HDAC9: variants seen among roughly 807,000 people sequenced by gnomAD.
HDAC9 encodes histone deacetylase 9.
HDAC9 carries 41 observed loss-of-function variants against 139.4 expected under a neutral mutation model. The observed-to-expected ratio is 0.29, with a 90% confidence interval of 0.23 to 0.38. The LOEUF is 0.38. HDAC9 is among the 10% of genes least tolerant of loss of function. HDAC9 has a pLI of 1.00. For synonymous variants in HDAC9, 517 were observed against 476.2 expected, an observed-to-expected ratio of 1.09 and a Z score of -1.12; for missense variants, 1,147 against 1,297.0, an observed-to-expected ratio of 0.88 and a Z score of 1.78.
chr7:18,498,772 C>T (rs1367396425), intron 2 of HDAC9, among the ~76,000 whole-genome samples: 2 of 151,996 alleles, frequency 1.3e-5, no homozygotes, highest in Non-Finnish European at 2.9e-5. Flanking sequence ...ATGATGTCCT[C>T]CTGCTTGCCT....
At chr7:18,811,454 T>C (rs1357696701) in intron 17 of HDAC9, among the ~76,000 whole-genome samples, 1 of 151,800 alleles carries the variant, frequency 6.6e-6, no homozygotes, top group East Asian at 1.9e-4. Context: ...TTTTCACTTG[T>C]CTGATTTTCT....
At chr7:18,590,618 C>T (rs1164009961) in intron 4 of HDAC9, 132 bp downstream of exon 4, 21 of 913,314 alleles carry the variant, frequency 2.3e-5, no homozygotes, top group Non-Finnish European at 3.1e-5. Context: ...GCATAGATTA[C>T]AGACCCAACT....
chr7:18,988,585 G>A (rs1382317954), intron 25 of HDAC9, among the ~76,000 whole-genome samples: 1 of 152,100 alleles, frequency 6.6e-6, no homozygotes, highest in Non-Finnish European at 1.5e-5. Flanking sequence ...AGGTCCGCTT[G>A]GTGCAGAGCT....
At chr7:18,093,369 G>A (rs1782292096) in intron 1 of HDAC9, among the ~76,000 whole-genome samples, 1 of 152,178 alleles carries the variant, frequency 6.6e-6, no homozygotes, top group Non-Finnish European at 1.5e-5. Context: ...CAGGGGGAAA[G>A]CCTGTTACTC....
At position 18,922,551 on chromosome 7, in the gene HDAC9, G is replaced by T. The variant is rs187488711; in HGVS notation, c.2804-13258G>T. Among the ~76,000 whole-genome samples the T allele has an allele frequency of 2.7e-3, 416 of 152,106 alleles. 4 individuals are homozygous for T. Among genetic ancestry groups the T allele is most frequent in the African/African-American group, 9.1e-3 (378 of 41,522 alleles). On this transcript the variant is annotated intron_variant, in intron 22 of 25. Coordinates refer to ENST00000686413, the MANE Select transcript of HDAC9 (RefSeq NM_178425.4). The stretch of plus-strand genomic sequence containing the variant: ...AATGCAGAGATTTGGATTCAAACTT[G>T]GTCTGGGATGAGGCTCACAAATCTG...
At chr7:18,167,418 A>T (rs1269991041) in intron 2 of HDAC9, among the ~76,000 whole-genome samples, 1 of 152,162 alleles carries the variant, frequency 6.6e-6, no homozygotes, top group East Asian at 1.9e-4. Flanking sequence ...TTGTTTTTAT[A>T]TTTGCTTTTC....
intron 12 of HDAC9, among the ~76,000 whole-genome samples, chr7:18,724,154 C>T (rs531204221): frequency 4.6e-5 from 7 of 152,192 alleles, no homozygotes; most frequent in African/African-American, 1.4e-4. Flanking sequence ...ACAAAATTTC[C>T]CTGAACCTCT....
chr7:18,453,502 A>G (rs1793070191), intron 1 of HDAC9, among the ~76,000 whole-genome samples: 1 of 152,146 alleles, frequency 6.6e-6, no homozygotes, highest in Non-Finnish European at 1.5e-5. Flanking sequence ...TTATGTTAAG[A>G]AAGAGGCTGA....
intron 1 of HDAC9, among the ~76,000 whole-genome samples, chr7:18,314,989 C>T (rs916515178): frequency 1.8e-4 from 28 of 152,100 alleles, no homozygotes; most frequent in African/African-American, 6.5e-4. Context: ...TGGTTCGCAG[C>T]AACGTGGTTG....
At chr7:18,568,153 T>C (rs926027272) in intron 2 of HDAC9, among the ~76,000 whole-genome samples, 5 of 151,492 alleles carry the variant, frequency 3.3e-5, no homozygotes, top group Admixed American at 3.3e-4. Context: ...CAATAAGTAT[T>C]TGTTCTATTT....
intron 1 of HDAC9, among the ~76,000 whole-genome samples, chr7:18,406,203 T>A (rs1246381243): frequency 7.2e-5 from 11 of 152,158 alleles, no homozygotes; most frequent in Admixed American, 5.2e-4. Context: ...TAATATGACT[T>A]TTCCATAATT....
chr7:18,180,265 A>ACACACCCCCC (rs1554322993), intron 2 of HDAC9, among the ~76,000 whole-genome samples: 8 of 151,212 alleles, frequency 5.3e-5, no homozygotes, highest in Admixed American at 1.3e-4. Flanking sequence ...ACACACACAC[A>ACACACCCCCC]CACACACACC....
intron 2 of HDAC9, among the ~76,000 whole-genome samples, chr7:18,167,663 G>A (rs576060918): frequency 1.6e-4 from 25 of 152,278 alleles, no homozygotes; most frequent in African/African-American, 5.8e-4. Flanking sequence ...CAAGCTGGTG[G>A]GAGGGAAATT....
intron 13 of HDAC9, among the ~76,000 whole-genome samples, chr7:18,744,073 A>G (rs1787716329): frequency 6.8e-6 from 1 of 146,152 alleles, no homozygotes. Context: ...CTGGAGTGCA[A>G]CAGCACTCCC....
At chr7:18,311,357 C>A (rs1195951842) in intron 1 of HDAC9, among the ~76,000 whole-genome samples, 1 of 151,930 alleles carries the variant, frequency 6.6e-6, no homozygotes, top group Non-Finnish European at 1.5e-5. Context: ...AATAATGAAT[C>A]AACTTTTATT....
Position 18,152,322 on chromosome 7 carries a change from T to G in HDAC9, c.-96-9907T>G, listed in dbSNP as rs72591349. Among the ~76,000 whole-genome samples, 1,599 of 152,332 alleles carry G rather than the reference T, an allele frequency of 0.01. 59 individuals carry two copies. In the East Asian group the frequency reaches 0.11, roughly 11 times the overall value. On this transcript the variant is annotated intron_variant, in intron 1 of 12. Coordinates refer to the HDAC9 transcript ENST00000417496. The stretch of plus-strand genomic sequence containing the variant: ...GGAAACTGAAGGTCAGAATGGTAAA[T>G]AATTTGCCTGTGAAAATACGGCAAT...
intron 1 of HDAC9, among the ~76,000 whole-genome samples, chr7:18,381,113 T>C (rs1785391861): frequency 6.9e-6 from 1 of 144,996 alleles, no homozygotes; most frequent in African/African-American, 2.6e-5. Context: ...GCACAAGAAT[T>C]GCCTAAACCC....
At chr7:18,337,031 A>C (rs1781635533) in intron 1 of HDAC9, among the ~76,000 whole-genome samples, 1 of 151,722 alleles carries the variant, frequency 6.6e-6, no homozygotes, top group Non-Finnish European at 1.5e-5. Flanking sequence ...TCTTCAATTG[A>C]ATTATAATAT....
intron 2 of HDAC9, among the ~76,000 whole-genome samples, chr7:18,525,095 A>C (rs1806393020): frequency 6.6e-6 from 1 of 152,112 alleles, no homozygotes; most frequent in South Asian, 2.1e-4. Context: ...AATCCTAATA[A>C]ATCAGTCTGA....
Sources: gnomAD v4.1 joint callset for allele counts (sites outside exome capture counted in the v4.1 genomes callset) on GRCh38, gnomAD v4.1.1 for gene constraint, MANE v1.5 for transcripts, NCBI Gene and HGNC (gene_info 2026-07-23, HGNC 2026-07-21) for gene names.